Variants in GAP43 observed in about 807,000 individuals in gnomAD.
GAP43 encodes the protein neuromodulin.
GAP43 carries 6 observed loss-of-function variants against 18.6 expected under a neutral mutation model. The observed-to-expected ratio is 0.32, with a 90% CI of 0.18 to 0.64. The LOEUF is 0.64. GAP43 is among the 30% of genes least tolerant of loss of function. The pLI, the probability that GAP43 is intolerant of heterozygous loss-of-function variation, is 0.78. For missense variants in GAP43, 292 were observed against 295.5 expected (o/e 0.99, Z 0.09); for synonymous variants, 115 against 111.4 (o/e 1.03, Z -0.20).
intron 1 of GAP43, among the ~76,000 whole-genome samples, chr3:115,659,520 G>A (rs1708629855): frequency 6.6e-6 from 1 of 152,120 alleles, no homozygotes; most frequent in African/African-American, 2.4e-5. Flanking sequence ...TCAATAATGT[G>A]AATGAACATT....
chr3:115,680,834 TTA>T (rs1708951092), intron 2 of GAP43, among the ~76,000 whole-genome samples: 1 of 152,216 alleles, frequency 6.6e-6, no homozygotes, highest in African/African-American at 2.4e-5. Flanking sequence ...AAAAAATTAT[TTA>T]TGTTTCCCAG....
chr3:115,682,821 C>T (rs548363839), intron 2 of GAP43, among the ~76,000 whole-genome samples: 12 of 152,272 alleles, frequency 7.9e-5, no homozygotes, highest in Non-Finnish European at 1.3e-4. Flanking sequence ...TGAGCCACTG[C>T]GCCTGGCCCT....
At chr3:115,709,864 T>TATATAC (rs1023390895) in intron 2 of GAP43, among the ~76,000 whole-genome samples, 2 of 131,064 alleles carry the variant, frequency 1.5e-5, no homozygotes, top group South Asian at 2.5e-4. Context: ...TATATATATA[T>TATATAC]ACACACACAT....
chr3:115,683,341 T>C (rs1308908456), intron 2 of GAP43, among the ~76,000 whole-genome samples: 1 of 152,142 alleles, frequency 6.6e-6, no homozygotes, highest in Non-Finnish European at 1.5e-5. Flanking sequence ...GAAGTTTAGA[T>C]AGAGGGGCAA....
intron 2 of GAP43, among the ~76,000 whole-genome samples, chr3:115,686,597 G>A (rs902292645): frequency 6.6e-6 from 1 of 152,090 alleles, no homozygotes; most frequent in African/African-American, 2.4e-5. Flanking sequence ...CTTTAAACAT[G>A]AGTTAAAAGT....
At chr3:115,720,091 T>G (rs571094596) in intron 2 of GAP43, among the ~76,000 whole-genome samples, 1 of 152,198 alleles carries the variant, frequency 6.6e-6, no homozygotes, top group South Asian at 2.1e-4. Context: ...TAGTGACTTG[T>G]TTCTGAGGGA....
chr3:115,671,424 A>G (rs1708813702), intron 1 of GAP43, among the ~76,000 whole-genome samples: 1 of 152,162 alleles, frequency 6.6e-6, no homozygotes, highest in African/African-American at 2.4e-5. Flanking sequence ...CATTTTTTCC[A>G]ACCAATATTC....
Position 115,694,215 on chromosome 3 carries a change from T to G in GAP43, c.628+17605T>G, listed in dbSNP as rs184614730. On this transcript the variant is annotated intron_variant, in intron 2 of 2. Transcript: ENST00000305124. ...AGCCCAGAAATCGAAGCATAGCTTGTTTTTCCAGCTCCACCCCGAAGCCAT... is the reference window on the plus strand; with the variant it reads ...AGCCCAGAAATCGAAGCATAGCTTGGTTTTCCAGCTCCACCCCGAAGCCAT... Among the ~76,000 whole-genome samples the G allele has an allele frequency of 3.5e-3, 526 of 152,292 alleles. 4 individuals carry two copies. Among genetic ancestry groups the G allele is most frequent in the African/African-American group, 0.012 (490 of 41,558 alleles).
At chr3:115,674,951 AT>A (rs1156868960) in intron 1 of GAP43, among the ~76,000 whole-genome samples, 1 of 152,172 alleles carries the variant, frequency 6.6e-6, no homozygotes, top group Non-Finnish European at 1.5e-5. Context: ...TTTGCAAAAT[AT>A]TTTTTTAAAC....
intron 2 of GAP43, among the ~76,000 whole-genome samples, chr3:115,683,187 A>G (rs1005253290): frequency 1.4e-5 from 2 of 147,006 alleles, no homozygotes; most frequent in Non-Finnish European, 3.0e-5. Context: ...ACACACACAC[A>G]CGACAATCTT....
chr3:115,645,535 T>C (rs1260448760), intron 1 of GAP43, among the ~76,000 whole-genome samples: 3 of 151,982 alleles, frequency 2.0e-5, no homozygotes, highest in African/African-American at 7.2e-5. Context: ...CTGGTCATTC[T>C]CTATGCTTAT....
intron 2 of GAP43, among the ~76,000 whole-genome samples, chr3:115,685,520 C>G (rs1326098217): frequency 6.6e-6 from 1 of 152,156 alleles, no homozygotes; most frequent in African/African-American, 2.4e-5. Context: ...AGTAAACAGG[C>G]TTTCCCATTC....
chr3:115,700,489 T>C (rs934197535), intron 2 of GAP43, among the ~76,000 whole-genome samples: 1 of 152,114 alleles, frequency 6.6e-6, no homozygotes, highest in African/African-American at 2.4e-5. Flanking sequence ...GTGAGACACC[T>C]CATGATTCTC....
intron 1 of GAP43, among the ~76,000 whole-genome samples, chr3:115,645,791 C>A (rs1445252255): frequency 6.6e-6 from 1 of 151,800 alleles, no homozygotes; most frequent in Non-Finnish European, 1.5e-5. Context: ...TAGAAATATC[C>A]CCAGAAAAAT....
At position 115,623,730 on chromosome 3, in the gene GAP43, A is replaced by G; in HGVS notation, c.30+11A>G. The G allele has an allele frequency of 3.1e-6, 5 of 1,614,122 alleles. No homozygotes were observed. Among genetic ancestry groups the G allele is most frequent in the Non-Finnish European group, 4.2e-6 (5 of 1,179,952 alleles). ...AGAAGAACCAAACAGGTAGAGCTAA[A>G]GATTTTTTACTTCTTGCTGTTGTGA... On this transcript the variant is annotated intron_variant, in intron 1 of 2. Coordinates refer to ENST00000305124, the MANE Select transcript of GAP43 (RefSeq NM_002045.4).
intron 1 of GAP43, among the ~76,000 whole-genome samples, chr3:115,656,197 G>T (rs1392487742): frequency 6.6e-6 from 1 of 152,140 alleles, no homozygotes; most frequent in Non-Finnish European, 1.5e-5. Context: ...ATGTTCAGTG[G>T]GTCTATGCAT....
At chr3:115,627,575 C>G (rs999038308) in intron 1 of GAP43, among the ~76,000 whole-genome samples, 8 of 152,126 alleles carry the variant, frequency 5.3e-5, no homozygotes, top group African/African-American at 1.4e-4. Context: ...TACTGGTGTT[C>G]TTTCAGGCAA....
rs145927430 is a variant in GAP43, at chr3:115,693,226, C to T, written c.628+16616C>T. On this transcript the variant is annotated intron_variant, in intron 2 of 2. Coordinates refer to ENST00000305124, the MANE Select transcript of GAP43 (RefSeq NM_002045.4). ...TTTAGTGTTCTCTCCAGGCCTCCCT[C>T]TCAGGTGTCTTCTTTGCATCATACC... Among the ~76,000 whole-genome samples the T allele has an allele frequency of 3.9e-5, 6 of 152,326 alleles. 1 individual carries two copies. The highest frequency in any genetic ancestry group is 1.4e-4 in the African/African-American group (6 of 41,576).
chr3:115,636,292 A>G (rs1708329456), intron 1 of GAP43, among the ~76,000 whole-genome samples: 1 of 152,144 alleles, frequency 6.6e-6, no homozygotes, highest in South Asian at 2.1e-4. Flanking sequence ...TTCCCAGCTC[A>G]TAACAGAAAT....
Sources: gnomAD v4.1 joint callset for allele counts (sites outside exome capture counted in the v4.1 genomes callset) on GRCh38, gnomAD v4.1.1 for gene constraint, MANE v1.5 for transcripts, NCBI Gene and HGNC (gene_info 2026-07-23, HGNC 2026-07-21) for gene names.